The following KCNU1 variants were observed in gnomAD, a reference collection of about 807,000 sequenced individuals.
KCNU1 encodes potassium calcium-activated channel subfamily U member 1, also known as potassium channel subfamily U member 1.
A neutral mutation model predicts 126.8 loss-of-function variants in KCNU1; 93 were observed. The ratio of observed to expected loss-of-function variants is 0.73; its 90% CI spans 0.62 to 0.87. The LOEUF is 0.87. Among genes scored for constraint, KCNU1 ranks in the 40% least tolerant of loss-of-function variants. The pLI is 0.00. For synonymous variants in KCNU1, 523 were observed against 494.2 expected (o/e 1.06, Z -0.77); for missense variants, 1,330 against 1,367.1 (o/e 0.97, Z 0.43).
chr8:36,927,545 G>C (rs149877873), intron 24 of KCNU1, among the ~76,000 whole-genome samples: 2 of 152,124 alleles, frequency 1.3e-5, no homozygotes, highest in East Asian at 3.9e-4. Flanking sequence ...GACATTCTTA[G>C]GGTCACTTGG....
chr8:36,882,409 G>A (rs1357210749), intron 19 of KCNU1, among the ~76,000 whole-genome samples: 3 of 152,124 alleles, frequency 2.0e-5, no homozygotes, highest in Non-Finnish European at 4.4e-5. Context: ...GTTTATACAG[G>A]CAGTCAATTA....
chr8:36,889,430 T>A (rs28632791), intron 19 of KCNU1: 116,780 of 321,790 alleles, frequency 0.36, 22,715 homozygotes, highest in Admixed American at 0.43. Context: ...TTTTTAATTG[T>A]TTTGACTCTG....
intron 7 of KCNU1, among the ~76,000 whole-genome samples, chr8:36,813,009 A>G (rs1803779003): frequency 6.6e-6 from 1 of 152,180 alleles, no homozygotes; most frequent in Non-Finnish European, 1.5e-5. Context: ...CTTAAAGGGA[A>G]CCGTGCCAGT....
chr8:36,864,415 A>G lies in KCNU1; in HGVS notation c.1903A>G (p.Lys635Glu). ...CTATCCTATTGCAGTGCCATCGGTA[A>G]AGAGAATGAAAAAATGTCTGAAGGG... ...SRQHITVPSVKRMKKCLKGIS... is the reference protein window; with the variant it reads ...SRQHITVPSVERMKKCLKGIS... Residue 635 changes from lysine (K) to glutamate (E), a missense_variant, in exon 19 of 27, where the codon AAG becomes GAG. Lys to Glu is a moderately conservative substitution (Grantham distance 56). This residue lies in a region of KCNU1 where 1,054 missense variants were observed against 1,053.9 expected (regional missense o/e 1.00). Coordinates refer to ENST00000399881, the MANE Select transcript of KCNU1 (RefSeq NM_001031836.3). 6.2e-7 allele frequency: 1 copy of G among 1,600,066 alleles called. No homozygotes were observed. The highest frequency in any genetic ancestry group is 1.3e-5 in the African/African-American group (1 of 74,700).
At chr8:36,828,975 G>A (rs531189593) in intron 10 of KCNU1, among the ~76,000 whole-genome samples, 26 of 152,144 alleles carry the variant, frequency 1.7e-4, no homozygotes, top group African/African-American at 6.0e-4. Context: ...ATGTCAAATG[G>A]AACCTTCTTG....
intron 5 of KCNU1, 75 bp from the exon 6 acceptor site, chr8:36,807,300 A>G (rs1428320294): frequency 2.1e-6 from 2 of 960,958 alleles, no homozygotes; most frequent in African/African-American, 1.6e-5. Flanking sequence ...AGTGATTCCA[A>G]TGCTGTTATA....
Position 36,931,061 on chromosome 8 carries a change from T to C in KCNU1, c.2847T>C (p.Asp949=). Residue 949 remains aspartate (D), a synonymous_variant, in exon 25 of 27, where the codon GAT becomes GAC. Transcript: ENST00000399881. Reference sequence around the variant, plus strand: ...AGGATAAAGTCTATGGTGTGGCAGATAGCTGCACGTCGCTCTTGTCTGGAA... The same window carrying C: ...AGGATAAAGTCTATGGTGTGGCAGACAGCTGCACGTCGCTCTTGTCTGGAA... ...LDKDKVYGVA[D]SCTSLLSGRN... 6.2e-7 allele frequency: 1 copy of C among 1,611,852 alleles called. No individual in the cohort carries two copies. Among genetic ancestry groups the C allele is most frequent in the South Asian group, 1.1e-5 (1 of 90,644 alleles).
chr8:36,935,508 C>G lies in KCNU1; in HGVS notation c.3045-7C>G, dbSNP rs1344324491. On this transcript the variant is annotated splice_polypyrimidine_tract_variant and splice_region_variant and intron_variant, in intron 26 of 26. Transcript: ENST00000399881. Reference sequence around the variant, plus strand: ...ACCTCAGCATTTATCTTTGACTTGTCTTACAGGTTTGTGATCACCCGGCCA... The same window carrying G: ...ACCTCAGCATTTATCTTTGACTTGTGTTACAGGTTTGTGATCACCCGGCCA... 3.0e-5 allele frequency: 47 copies of G among 1,580,512 alleles called. No individual in the cohort carries two copies. Among genetic ancestry groups the G allele is most frequent in the Non-Finnish European group, 3.9e-5 (45 of 1,162,322 alleles).
chr8:36,832,960 A>C (rs1340619634), intron 10 of KCNU1, among the ~76,000 whole-genome samples: 1 of 152,030 alleles, frequency 6.6e-6, no homozygotes, highest in Non-Finnish European at 1.5e-5. Flanking sequence ...AAATCTGAAA[A>C]CTATTTTTAT....
At chr8:36,825,559 A>G (rs565887510) in intron 10 of KCNU1, among the ~76,000 whole-genome samples, 96 of 152,282 alleles carry the variant, frequency 6.3e-4, no homozygotes, top group Admixed American at 5.2e-4. Context: ...ATTTTGGTAT[A>G]AGTTTAAGGA....
chr8:36,813,234 T>C (rs2130454364), intron 7 of KCNU1, among the ~76,000 whole-genome samples: 1 of 152,230 alleles, frequency 6.6e-6, no homozygotes, highest in Admixed American at 6.5e-5. Context: ...TAAGAAAGGA[T>C]CAGCACTTGG....
intron 10 of KCNU1, among the ~76,000 whole-genome samples, chr8:36,818,689 T>G (rs16885458): frequency 0.018 from 2,747 of 152,304 alleles, 80 homozygotes; most frequent in African/African-American, 0.062. Flanking sequence ...GAAATGACAT[T>G]TTGATCTTAC....
intron 19 of KCNU1, among the ~76,000 whole-genome samples, chr8:36,877,069 C>G (rs950445336): frequency 4.6e-5 from 7 of 152,168 alleles, no homozygotes; most frequent in African/African-American, 1.7e-4. Flanking sequence ...CTCTAACTCT[C>G]TGTTACCTGC....
Position 36,807,384 on chromosome 8 carries a change from T to G in KCNU1, c.590T>G (p.Phe197Cys), listed in dbSNP as rs371702043. The G allele has an allele frequency of 1.9e-6, 3 of 1,613,206 alleles. No homozygotes were observed. The highest frequency in any genetic ancestry group is 2.5e-6 in the Non-Finnish European group (3 of 1,179,398). Residue 197 changes from phenylalanine (F) to cysteine (C), a missense_variant, in exon 6 of 27, where the codon TTC becomes TGC. Physicochemically the swap from Phe to Cys is radical, Grantham distance 205. This residue lies in a region of KCNU1 where 247 missense variants were observed against 255.4 expected (regional missense o/e 0.97). Coordinates refer to ENST00000399881, the MANE Select transcript of KCNU1 (RefSeq NM_001031836.3). The stretch of plus-strand genomic sequence containing the variant: ...TTCCATTGGTTTGTAGGTTTAAGGT[T>G]CCTAAGAGCCTTGCGCCTGCTAGAA... ...YLKSNWLGLR[F>C]LRALRLLELP... is the part of the protein sequence containing the mutation.
intron 2 of KCNU1, 127 bp downstream of exon 2, chr8:36,787,552 A>C (rs1488455070): frequency 1.3e-6 from 1 of 750,476 alleles, no homozygotes; most frequent in Non-Finnish European, 2.0e-6. Flanking sequence ...CTATAATATC[A>C]CCACCTCCCC....
chr8:36,810,446 G>A, intron 7 of KCNU1, among the ~76,000 whole-genome samples: 1 of 152,098 alleles, frequency 6.6e-6, no homozygotes. Context: ...AGTAAGCACA[G>A]AAAAAAGGAG....
chr8:36,873,284 T>C (rs1806168097), intron 19 of KCNU1, among the ~76,000 whole-genome samples: 1 of 151,882 alleles, frequency 6.6e-6, no homozygotes, highest in Non-Finnish European at 1.5e-5. Flanking sequence ...CACCCCTTTC[T>C]TTAAAGATAT....
chr8:36,891,040 T>C (rs569434214), intron 19 of KCNU1, among the ~76,000 whole-genome samples: 10 of 151,950 alleles, frequency 6.6e-5, no homozygotes, highest in African/African-American at 2.4e-4. Context: ...TATACCTAAA[T>C]TGATTATGAA....
At chr8:36,883,526 G>A (rs1233612598) in intron 19 of KCNU1, among the ~76,000 whole-genome samples, 3 of 152,188 alleles carry the variant, frequency 2.0e-5, no homozygotes, top group African/African-American at 7.2e-5. Context: ...GTTCATGCCT[G>A]TAATCCCAGC....
Sources: allele counts gnomAD v4.1 joint callset (sites outside exome capture counted in the v4.1 genomes callset), GRCh38; gene constraint gnomAD v4.1.1; regional missense constraint gnomAD v4.1.1; transcripts MANE v1.5; gene names NCBI Gene and HGNC (gene_info 2026-07-23, HGNC 2026-07-21).